The following C2CD3 variants were observed in gnomAD, a reference collection of about 807,000 sequenced individuals.
The protein encoded by C2CD3 is C2 domain containing 3 centriole elongation regulator.
Under a neutral mutation model 234.0 loss-of-function variants are expected in C2CD3, and 148 were observed. The observed-to-expected ratio is 0.63, with a 90% CI of 0.55 to 0.72. The LOEUF is 0.72. Among genes scored for constraint, C2CD3 ranks in the 30% least tolerant of loss-of-function variants. The pLI is 0.00. For missense variants in C2CD3, 2,577 were observed against 2,811.5 expected, an observed-to-expected ratio of 0.92 and a Z score of 1.89; for synonymous variants, 1,000 against 1,035.4, an observed-to-expected ratio of 0.97 and a Z score of 0.66.
intron 32 of C2CD3, 26 bp downstream of exon 32, chr11:74,028,261 G>T (rs1943225471): frequency 2.8e-6 from 4 of 1,450,048 alleles, no homozygotes; most frequent in Middle Eastern, 3.4e-4. Context: ...CTCTATAGAA[G>T]AAAGGTCAGT....
chr11:74,156,969 T>C (rs1241826477), intron 3 of C2CD3, among the ~76,000 whole-genome samples: 7 of 152,194 alleles, frequency 4.6e-5, no homozygotes, highest in Admixed American at 4.6e-4. Context: ...AGACTCTGTC[T>C]CAAAAAAACC....
At chr11:74,117,810 G>C (rs1957079324) in intron 9 of C2CD3, among the ~76,000 whole-genome samples, 1 of 151,972 alleles carries the variant, frequency 6.6e-6, no homozygotes, top group Admixed American at 6.6e-5. Context: ...CTACTCGGGA[G>C]GCTGAGGCAG....
At chr11:74,137,596 TC>T (rs1957911091) in intron 5 of C2CD3, among the ~76,000 whole-genome samples, 1 of 151,420 alleles carries the variant, frequency 6.6e-6, no homozygotes, top group African/African-American at 2.4e-5. Context: ...TTCTTTTTTT[TC>T]TTTTTGAGAC....
chr11:74,129,702 A>T (rs1957571732), intron 7 of C2CD3: 1 of 172,976 alleles, frequency 5.8e-6, no homozygotes, highest in Admixed American at 6.3e-5. Flanking sequence ...CAATCTCGGC[A>T]CTTTGGGAGG....
intron 24 of C2CD3, chr11:74,070,529 T>G (rs952842431): frequency 5.3e-5 from 8 of 152,232 alleles, no homozygotes; most frequent in African/African-American, 1.9e-4. Flanking sequence ...TCGCCTGTTC[T>G]CCATTCTTGC....
intron 32 of C2CD3, among the ~76,000 whole-genome samples, chr11:74,017,526 T>C (rs1207290709): frequency 6.6e-6 from 1 of 152,090 alleles, no homozygotes; most frequent in African/African-American, 2.4e-5. Context: ...AAGGAGTGGT[T>C]TGGAAAGAAA....
At chr11:74,057,326 G>A in intron 25 of C2CD3, 80 bp downstream of exon 25, 2 of 1,475,780 alleles carry the variant, frequency 1.4e-6, no homozygotes, top group Non-Finnish European at 9.4e-7. Context: ...AATTGTGTTG[G>A]TTATAGTCCT....
chr11:74,120,264 C>T lies in C2CD3; in HGVS notation c.1366-1882G>A, dbSNP rs192056334. ...TTTACATTAGGTATTCCTCCTAATG[C>T]TATCCTTCCCCCAGCCCCCAACCAC... On this transcript the variant is annotated intron_variant, in intron 8 of 32. Coordinates refer to ENST00000334126, the MANE Select transcript of C2CD3 (RefSeq NM_001286577.2). 3.2e-3 allele frequency among the ~76,000 whole-genome samples: 490 copies of T among 152,138 alleles called. 3 individuals are homozygous for T. In the Middle Eastern group the frequency reaches 0.034, roughly 11 times the overall value.
rs1952630992 is a variant in C2CD3, at chr11:74,034,243, A to G, written c.5917T>C (p.Leu1973=). The change falls in exon 31 of 33, where the codon TTG becomes CTG. Residue 1973 remains leucine, a synonymous_variant. Coordinates refer to ENST00000334126, the MANE Select transcript of C2CD3 (RefSeq NM_001286577.2). ...CTACTCCTGGCTCGGTGAGAACTCA[A>G]AGCTGCTTGCGAATCCCTGGTGATA... ...QTITRDSQAA[L]SSHRARSRSN... is the part of the protein sequence containing the mutation. 1.3e-6 allele frequency: 2 copies of G among 1,535,888 alleles called. No homozygotes were observed. The highest frequency in any genetic ancestry group is 4.9e-5 in the East Asian group (2 of 40,926).
chr11:74,041,991 C>T lies in C2CD3; in HGVS notation c.5660+63G>A, dbSNP rs755308933. On this transcript the variant is annotated intron_variant, in intron 29 of 32. Coordinates refer to ENST00000334126, the MANE Select transcript of C2CD3 (RefSeq NM_001286577.2). ...GATGGAAAAGCAGTAATGCACATTG[C>T]CATTTCTCATTCACCTTGTGCCCCA... 79 of 1,527,440 alleles carry T rather than the reference C, an allele frequency of 5.2e-5. No homozygotes were observed. The Middle Eastern group carries it at 5.5e-4, about 11-fold the overall frequency. 94.6% of individuals were successfully genotyped at this position (1,527,440 alleles called of 1,614,324 possible). A position where few individuals can be genotyped will look rare whatever the true frequency, so the allele number is the denominator to read the frequency against.
At chr11:74,111,844 C>T (rs959290949) in intron 11 of C2CD3, among the ~76,000 whole-genome samples, 1 of 150,700 alleles carries the variant, frequency 6.6e-6, no homozygotes, top group Non-Finnish European at 1.5e-5. Flanking sequence ...ATGTGTGGCC[C>T]AAGACAATTC....
rs566441457 is a variant in C2CD3 at position 74,100,599 on chromosome 11, C to T, written c.2658G>A (p.Lys886=). The change falls in exon 15 of 33, where the codon AAG becomes AAA. Residue 886 remains lysine (K), a synonymous_variant. Coordinates refer to ENST00000334126, the MANE Select transcript of C2CD3 (RefSeq NM_001286577.2). The part of the protein sequence containing the change: ...NNVMVIETWN[K]VRSPGQDKLL... The stretch of plus-strand genomic sequence containing the variant: ...GCTTGTCCTGTCCTGGGCTCCGCAC[C>T]TTATTCCAAGTTTCAATTACCATCA... 3.1e-6 allele frequency: 5 copies of T among 1,614,070 alleles called. No individual in the cohort carries two copies. The highest frequency in any genetic ancestry group is 4.2e-6 in the Non-Finnish European group (5 of 1,179,948).
At chr11:74,153,209 T>TC (rs1471773587) in intron 3 of C2CD3, among the ~76,000 whole-genome samples, 1 of 110,008 alleles carries the variant, frequency 9.1e-6, no homozygotes, top group African/African-American at 3.5e-5. Flanking sequence ...CTCTGTCTCT[T>TC]AAAAACAAAA....
At chr11:74,155,365 T>C (rs1228523556) in intron 3 of C2CD3, among the ~76,000 whole-genome samples, 1 of 152,110 alleles carries the variant, frequency 6.6e-6, no homozygotes, top group Non-Finnish European at 1.5e-5. Context: ...AAGTTAAAAA[T>C]AGAGTTACCA....
rs756308294 is a variant in C2CD3, at chr11:74,078,304, T to C, written c.4414A>G (p.Arg1472Gly). ...QIMVTFKASK[R>G]AEVTRGPSLL... is the part of the protein sequence containing the mutation. ...GATGGGCCCCTGGTGACTTCTGCTC[T>C]TTTGGATGCCTTGAAAGTGACCATA... The change falls in exon 23 of 33, where the codon AGA (arginine) becomes GGA (glycine). Residue 1472 changes from arginine to glycine, a missense_variant. Coordinates refer to ENST00000334126, the MANE Select transcript of C2CD3 (RefSeq NM_001286577.2). The C allele has an allele frequency of 2.5e-6, 4 of 1,614,050 alleles. No homozygotes were observed. The highest frequency in any genetic ancestry group is 3.3e-5 in the Admixed American group (2 of 59,996).
intron 2 of C2CD3, chr11:74,168,126 G>C (rs1856924555): frequency 4.0e-6 from 2 of 497,486 alleles, no homozygotes; most frequent in South Asian, 5.8e-5. Flanking sequence ...TATCTTTCAG[G>C]GTTATTGTAA....
At chr11:74,053,155 A>C (rs1166631171) in intron 26 of C2CD3, among the ~76,000 whole-genome samples, 1 of 152,248 alleles carries the variant, frequency 6.6e-6, no homozygotes, top group African/African-American at 2.4e-5. Context: ...ATTAATAGAT[A>C]TATGACCTTA....
chr11:74,149,583 T>C (rs1319173935), intron 3 of C2CD3, among the ~76,000 whole-genome samples: 1 of 151,498 alleles, frequency 6.6e-6, no homozygotes, highest in Non-Finnish European at 1.5e-5. Flanking sequence ...TCAGACACAA[T>C]AGGTGTTTTG....
At chr11:74,034,762 G>T (rs562877515) in intron 30 of C2CD3, among the ~76,000 whole-genome samples, 35 of 152,358 alleles carry the variant, frequency 2.3e-4, no homozygotes, top group African/African-American at 7.9e-4. Context: ...AAGCAGCAAG[G>T]TATGTTGGAA....
Sources: gnomAD v4.1 joint callset for allele counts (sites outside exome capture counted in the v4.1 genomes callset) on GRCh38, gnomAD v4.1.1 for gene constraint, MANE v1.5 for transcripts, NCBI Gene and HGNC (gene_info 2026-07-23, HGNC 2026-07-21) for gene names.